Variants in CD302 observed in about 807,000 individuals in gnomAD.
The protein encoded by CD302 is CD302 molecule.
In CD302, 23 loss-of-function variants were observed where a neutral mutation model predicts 26.5. The ratio of observed to expected loss-of-function variants is 0.87; its 90% CI spans 0.62 to 1.23. The LOEUF (loss-of-function observed/expected upper bound fraction) is 1.23, where lower values mean the gene tolerates loss of function less well. Among genes scored for constraint, CD302 ranks in the 50% most tolerant of loss-of-function variants. The pLI, the probability that CD302 is intolerant of heterozygous loss-of-function variation, is 0.00. For missense variants in CD302, 290 were observed against 275.5 expected (o/e 1.05, Z -0.37); for synonymous variants, 90 against 99.4 (o/e 0.91, Z 0.56).
chr2:159,779,892 T>G (rs1708456133), intron 4 of CD302, 113 bp downstream of exon 4: 1 of 1,282,730 alleles, frequency 7.8e-7, no homozygotes, highest in South Asian at 1.8e-5. Flanking sequence ...CGTGAGCCAC[T>G]GTGCCTAGCC....
chr2:159,770,882 A>T lies in CD302; in HGVS notation c.*969T>A, dbSNP rs932464263. Reference sequence around the variant, plus strand: ...TACGTGACTAATTTACGTGAAATTTATACATTCTTTATCTTTCCTGTTTTT... The same window carrying T: ...TACGTGACTAATTTACGTGAAATTTTTACATTCTTTATCTTTCCTGTTTTT... On this transcript the variant is annotated 3_prime_UTR_variant, in exon 6 of 6. Coordinates refer to ENST00000259053, the MANE Select transcript of CD302 (RefSeq NM_014880.5). 4 of 152,150 alleles carry T rather than the reference A, an allele frequency of 2.6e-5. No homozygotes were observed. The highest frequency in any genetic ancestry group is 9.7e-5 in the African/African-American group (4 of 41,430). The allele number at this position is 152,150 out of a possible 1,614,324, so 9.4% of individuals were successfully genotyped here.
chr2:159,781,370 G>A lies in CD302; in HGVS notation c.179-372C>T, dbSNP rs192721116. 1.8e-3 allele frequency: 271 copies of A among 152,906 alleles called. 4 individuals are homozygous for A. The East Asian group carries it at 0.02, about 11-fold the overall frequency. 9.5% of individuals were successfully genotyped at this position (152,906 alleles called of 1,614,324 possible). A position where few individuals can be genotyped will look rare whatever the true frequency, so the allele number is the denominator to read the frequency against. On this transcript the variant is annotated intron_variant, in intron 2 of 5. Coordinates refer to ENST00000259053, the MANE Select transcript of CD302 (RefSeq NM_014880.5). ...TTGAGACCAGCCTGGCCAACATGAC[G>A]AAATCCTGTCCCTACCAAAAAAAAA...
At chr2:159,796,514 A>G (rs1427396794) in intron 1 of CD302, among the ~76,000 whole-genome samples, 1 of 152,208 alleles carries the variant, frequency 6.6e-6, no homozygotes, top group Non-Finnish European at 1.5e-5. Flanking sequence ...CCCCATGAGT[A>G]AGTATTATCT....
chr2:159,774,490 GGCTGTA>G (rs1487973739), intron 5 of CD302, among the ~76,000 whole-genome samples: 21 of 152,250 alleles, frequency 1.4e-4, no homozygotes, highest in Middle Eastern at 6.8e-3. Context: ...CATTTTGTTA[GGCTGTA>G]GCCTCAGGTG....
At chr2:159,795,189 C>G (rs1426770363) in intron 1 of CD302, among the ~76,000 whole-genome samples, 3 of 150,868 alleles carry the variant, frequency 2.0e-5, no homozygotes, top group East Asian at 3.9e-4. Context: ...CGCCACCGCA[C>G]TCCAGCCTGG....
At chr2:159,790,851 T>G (rs1382133529) in intron 1 of CD302, among the ~76,000 whole-genome samples, 2 of 152,142 alleles carry the variant, frequency 1.3e-5, no homozygotes, top group Non-Finnish European at 2.9e-5. Flanking sequence ...CGACAATATA[T>G]AAAAATGAAT....
chr2:159,777,657 A>G (rs1186857827), intron 5 of CD302, among the ~76,000 whole-genome samples: 1 of 152,226 alleles, frequency 6.6e-6, no homozygotes, highest in East Asian at 1.9e-4. Flanking sequence ...ATATATTTAT[A>G]AAGTATTATG....
In CD302 at chr2:159,781,720, C is replaced by T. The variant is rs548265964; in HGVS notation, c.179-722G>A. 1.9e-4 allele frequency among the ~76,000 whole-genome samples: 29 copies of T among 152,146 alleles called. 1 individual carries two copies. Among genetic ancestry groups the T allele is most frequent in the African/African-American group, 6.5e-4 (27 of 41,514 alleles). On this transcript the variant is annotated intron_variant, in intron 2 of 5. Transcript: ENST00000259053. ...AATTGCTATTATTTTATTTCAACTG[C>T]CTTGAAATAAAACCATATTGGCATG...
At chr2:159,796,770 G>T (rs1416218044) in intron 1 of CD302, among the ~76,000 whole-genome samples, 1 of 152,186 alleles carries the variant, frequency 6.6e-6, no homozygotes, top group Non-Finnish European at 1.5e-5. Flanking sequence ...CTTCACTGAA[G>T]AAGAGACATA....
At position 159,780,017 on chromosome 2, in the gene CD302, A is replaced by T; in HGVS notation, c.457T>A (p.Cys153Ser). ...CGGTCATACTTACTAGCTGTTTTGC[A>T]TAGTGTTCCTTCCACAGAAGAAACT... ...CEVSSVEGTLCKTAIPYKRKY... is the reference protein window; with the variant it reads ...CEVSSVEGTLSKTAIPYKRKY... Residue 153 changes from cysteine to serine, a missense_variant, in exon 4 of 6, where the codon TGC (cysteine) becomes AGC (serine). Physicochemically the swap from Cys to Ser is moderately radical, Grantham distance 112. Transcript: ENST00000259053. 1.2e-6 allele frequency: 2 copies of T among 1,613,864 alleles called. No individual in the cohort carries two copies. Among genetic ancestry groups the T allele is most frequent in the Non-Finnish European group, 1.7e-6 (2 of 1,179,866 alleles).
At chr2:159,795,270 G>C (rs1272267619) in intron 1 of CD302, among the ~76,000 whole-genome samples, 2 of 151,434 alleles carry the variant, frequency 1.3e-5, no homozygotes, top group Non-Finnish European at 2.9e-5. Context: ...AATAGATTAA[G>C]ATGATTTAAG....
At position 159,785,488 on chromosome 2, in the gene CD302, T is replaced by A. The variant is rs147863792; in HGVS notation, c.68-2019A>T. Among the ~76,000 whole-genome samples the A allele has an allele frequency of 4.9e-4, 75 of 152,308 alleles. No individual in the cohort carries two copies. In the East Asian group the frequency reaches 0.011, roughly 22 times the overall value. ...ACAATCTGGCTATAAAATTACATGATACCAACATTTACAAAGCAAAGAAGT... is the reference window on the plus strand; with the variant it reads ...ACAATCTGGCTATAAAATTACATGAAACCAACATTTACAAAGCAAAGAAGT... On this transcript the variant is annotated intron_variant, in intron 1 of 5. Coordinates refer to ENST00000259053, the MANE Select transcript of CD302 (RefSeq NM_014880.5).
chr2:159,777,895 T>C (rs1007364460), intron 5 of CD302, 43 bp downstream of exon 5: 1 of 960,438 alleles, frequency 1.0e-6, no homozygotes. Flanking sequence ...TTTTGATATA[T>C]TTTTAATTGT....
Position 159,769,981 on chromosome 2 carries a change from C to T in CD302, c.*1870G>A, listed in dbSNP as rs145527165. 1.6e-4 allele frequency: 24 copies of T among 152,296 alleles called. No individual in the cohort carries two copies. Among genetic ancestry groups the T allele is most frequent in the African/African-American group, 5.5e-4 (23 of 41,566 alleles). 9.4% of individuals were successfully genotyped at this position (152,296 alleles called of 1,614,324 possible). On this transcript the variant is annotated 3_prime_UTR_variant, in exon 6 of 6. Transcript: ENST00000259053. ...TAAACTAAATTTACTTAAATAGCCTCATGTGGCTAGTGGCTCATTGGACAT... is the reference window on the plus strand; with the variant it reads ...TAAACTAAATTTACTTAAATAGCCTTATGTGGCTAGTGGCTCATTGGACAT...
chr2:159,787,382 C>T (rs896533520), intron 1 of CD302, among the ~76,000 whole-genome samples: 3 of 152,030 alleles, frequency 2.0e-5, no homozygotes, highest in African/African-American at 7.2e-5. Flanking sequence ...ATTTGTCCTA[C>T]TTATTTTATG....
chr2:159,772,694 T>G (rs555962901), intron 5 of CD302, among the ~76,000 whole-genome samples: 4 of 152,306 alleles, frequency 2.6e-5, no homozygotes, highest in South Asian at 4.1e-4. Flanking sequence ...ACTTGTATTA[T>G]GTATAGTAAT....
chr2:159,794,376 G>T (rs908864238), intron 1 of CD302, among the ~76,000 whole-genome samples: 1 of 148,990 alleles, frequency 6.7e-6, no homozygotes, highest in African/African-American at 2.4e-5. Flanking sequence ...ATTATGGAAA[G>T]TAACCTTGCT....
intron 5 of CD302, among the ~76,000 whole-genome samples, chr2:159,773,373 C>A (rs1483759516): frequency 6.6e-6 from 1 of 152,168 alleles, no homozygotes. Context: ...CTCAACTTTA[C>A]CAGTGTGAAC....
intron 1 of CD302, among the ~76,000 whole-genome samples, chr2:159,797,796 C>A (rs564950119): frequency 2.0e-5 from 3 of 152,320 alleles, no homozygotes; most frequent in East Asian, 3.9e-4. Flanking sequence ...TGAAACGGCG[C>A]CCGTCGTGCG....
Sources: allele counts gnomAD v4.1 joint callset (sites outside exome capture counted in the v4.1 genomes callset), GRCh38; gene constraint gnomAD v4.1.1; transcripts MANE v1.5; gene names NCBI Gene and HGNC (gene_info 2026-07-23, HGNC 2026-07-21).